Variants in ITGA9 observed in about 807,000 individuals in gnomAD.
ITGA9 encodes integrin subunit alpha 9, also known as integrin alpha-9.
ITGA9 carries 56 observed loss-of-function variants against 127.8 expected under a neutral mutation model. That is an observed-to-expected ratio of 0.44 (90% CI 0.35 to 0.55). ITGA9 has a LOEUF of 0.55. Ranked by LOEUF, ITGA9 falls within the 20% of genes least tolerant of loss-of-function variation. The pLI, the probability that ITGA9 is intolerant of heterozygous loss-of-function variation, is 0.00. For synonymous variants in ITGA9, 508 were observed against 514.5 expected, an observed-to-expected ratio of 0.99 and a Z score of 0.17; for missense variants, 1,196 against 1,347.1, an observed-to-expected ratio of 0.89 and a Z score of 1.76.
At chr3:37,652,184 C>T (rs1225987674) in intron 16 of ITGA9, among the ~76,000 whole-genome samples, 3 of 151,874 alleles carry the variant, frequency 2.0e-5, no homozygotes, top group African/African-American at 7.3e-5. Flanking sequence ...CCCTAGGGGC[C>T]ATGTCAGCTG....
At chr3:37,499,667 T>A (rs1204289468) in intron 5 of ITGA9, among the ~76,000 whole-genome samples, 2 of 152,160 alleles carry the variant, frequency 1.3e-5, no homozygotes, top group African/African-American at 4.8e-5. Context: ...GAAGGCACTG[T>A]CCCTCCCTTC....
chr3:37,554,385 G>A (rs1052483968), intron 15 of ITGA9, among the ~76,000 whole-genome samples: 3 of 152,038 alleles, frequency 2.0e-5, no homozygotes, highest in African/African-American at 7.2e-5. Context: ...TGTGGGCAAA[G>A]AGGTCAGAGT....
At chr3:37,460,876 A>G (rs2125547595) in intron 1 of ITGA9, among the ~76,000 whole-genome samples, 1 of 152,300 alleles carries the variant, frequency 6.6e-6, no homozygotes, top group South Asian at 2.1e-4. Context: ...GGCGTGAGCC[A>G]CCGCACCCGG....
At chr3:37,818,825 C>A in intron 27 of ITGA9, 66 bp from the exon 28 acceptor site, 1 of 1,241,302 alleles carries the variant, frequency 8.1e-7, no homozygotes. Flanking sequence ...GACAGACTGC[C>A]TTGGGGTCAC....
intron 26 of ITGA9, among the ~76,000 whole-genome samples, chr3:37,785,660 G>T (rs1020652142): frequency 3.3e-5 from 5 of 151,910 alleles, no homozygotes; most frequent in Admixed American, 2.6e-4. Context: ...AAATTTTTTT[G>T]TCGGGATAGG....
intron 25 of ITGA9, among the ~76,000 whole-genome samples, chr3:37,783,474 A>G (rs1246346737): frequency 2.0e-5 from 3 of 152,064 alleles, no homozygotes; most frequent in East Asian, 3.9e-4. Context: ...GTCCTCAGCT[A>G]GGACTGCAGG....
At chr3:37,549,016 C>T (rs999689778) in intron 15 of ITGA9, among the ~76,000 whole-genome samples, 5 of 152,178 alleles carry the variant, frequency 3.3e-5, no homozygotes, top group African/African-American at 7.2e-5. Context: ...GCTGCTCATG[C>T]GATATGCTCT....
rs939769650 is a variant in ITGA9, at chr3:37,748,978, A to T, written c.2434-1484A>T. ...AAAAAGAAAAATCCTTAACCCATTG[A>T]CATAGCTTCTTGTATTAATTTCTTA... On this transcript the variant is annotated intron_variant, in intron 22 of 27. Coordinates refer to ENST00000264741, the MANE Select transcript of ITGA9 (RefSeq NM_002207.3). 17 of 517,298 alleles carry T rather than the reference A, an allele frequency of 3.3e-5. No homozygotes were observed. In the East Asian group the frequency reaches 5.5e-4, roughly 17 times the overall value. The allele number at this position is 517,298 out of a possible 1,614,324, so 32.0% of individuals were successfully genotyped here.
chr3:37,553,761 G>A lies in ITGA9; in HGVS notation c.1689+11176G>A, dbSNP rs530935110. Among the ~76,000 whole-genome samples the A allele has an allele frequency of 4.6e-5, 7 of 152,282 alleles. No homozygotes were observed. The East Asian group carries it at 7.7e-4, about 17-fold the overall frequency. ...GGTGATCATTTGGGTCATTAGTAGC[G>A]CTTTGAGTACCATGGTGTCTGCAGG... On this transcript the variant is annotated intron_variant, in intron 15 of 27. Coordinates refer to ENST00000264741, the MANE Select transcript of ITGA9 (RefSeq NM_002207.3).
At chr3:37,490,826 A>G (rs1698662450) in intron 4 of ITGA9, among the ~76,000 whole-genome samples, 1 of 152,164 alleles carries the variant, frequency 6.6e-6, no homozygotes, top group African/African-American at 2.4e-5. Flanking sequence ...CATACGACTT[A>G]ATGAATTAAA....
chr3:37,695,510 C>T (rs888941390), intron 18 of ITGA9, among the ~76,000 whole-genome samples: 3 of 152,210 alleles, frequency 2.0e-5, no homozygotes, highest in Non-Finnish European at 4.4e-5. Context: ...GGGGAATTGA[C>T]ATATACAGAT....
intron 1 of ITGA9, among the ~76,000 whole-genome samples, chr3:37,453,950 T>C (rs542444029): frequency 3.9e-4 from 60 of 152,346 alleles, no homozygotes; most frequent in African/African-American, 1.4e-3. Flanking sequence ...CGAGTGTGTC[T>C]GTTCTTAACA....
rs1699881557 is a variant in ITGA9, at chr3:37,597,628, G to A, written c.1690-31559G>A. Among the ~76,000 whole-genome samples the A allele has an allele frequency of 6.6e-6, 1 of 152,216 alleles. No individual in the cohort carries two copies. Among genetic ancestry groups the A allele is most frequent in the Non-Finnish European group, 1.5e-5 (1 of 68,040 alleles). ...CTCAGTAAATGACTGGTGAATGAATGTGTTTTAAATAAGGTATATAGTGAG... is the reference window on the plus strand; with the variant it reads ...CTCAGTAAATGACTGGTGAATGAATATGTTTTAAATAAGGTATATAGTGAG... On this transcript the variant is annotated intron_variant, in intron 15 of 27. Coordinates refer to ENST00000264741, the MANE Select transcript of ITGA9 (RefSeq NM_002207.3). The surrounding 1 kb of genome is among the most constrained non-coding windows in gnomAD (Gnocchi z 4.6).
intron 23 of ITGA9, among the ~76,000 whole-genome samples, chr3:37,771,476 G>A (rs192463111): frequency 6.6e-6 from 1 of 150,662 alleles, no homozygotes; most frequent in Admixed American, 6.6e-5. Context: ...GTGTAGATGA[G>A]GAAACTGAGG....
chr3:37,627,522 T>C (rs929708102), intron 15 of ITGA9, among the ~76,000 whole-genome samples: 5 of 152,204 alleles, frequency 3.3e-5, no homozygotes, highest in Admixed American at 6.5e-5. Context: ...CTACCACCGC[T>C]TACTTGGAGG....
Position 37,683,899 on chromosome 3 carries a change from G to T in ITGA9, c.1951G>T (p.Ala651Ser). Residue 651 changes from alanine to serine, a missense_variant, in exon 18 of 28, where the codon GCT (alanine) becomes TCT (serine). Physicochemically the swap from Ala to Ser is moderately conservative, Grantham distance 99. Coordinates refer to ENST00000264741, the MANE Select transcript of ITGA9 (RefSeq NM_002207.3). ...DEKTLYLALGAVKNISLNISI... is the reference protein window; with the variant it reads ...DEKTLYLALGSVKNISLNISI... The stretch of plus-strand genomic sequence containing the variant: ...GAAAACCCTGTATCTAGCTTTGGGG[G>T]CTGTGAAGAACATCTCCCTAAACAT... The T allele has an allele frequency of 6.2e-7, 1 of 1,614,064 alleles. No individual in the cohort carries two copies. The highest frequency in any genetic ancestry group is 8.5e-7 in the Non-Finnish European group (1 of 1,179,982).
At chr3:37,787,582 G>A (rs544738247) in intron 26 of ITGA9, among the ~76,000 whole-genome samples, 27 of 152,106 alleles carry the variant, frequency 1.8e-4, no homozygotes, top group Admixed American at 1.7e-3. Context: ...TTCAGTCCAT[G>A]AGCTACAATG....
chr3:37,795,568 C>T (rs1697161768), intron 26 of ITGA9, among the ~76,000 whole-genome samples: 1 of 152,116 alleles, frequency 6.6e-6, no homozygotes, highest in African/African-American at 2.4e-5. Flanking sequence ...TCCTCAAAGG[C>T]CCCCTTGAGA....
intron 17 of ITGA9, among the ~76,000 whole-genome samples, chr3:37,665,717 A>C (rs1454187496): frequency 1.3e-5 from 2 of 152,116 alleles, no homozygotes; most frequent in Non-Finnish European, 2.9e-5. Flanking sequence ...GGCCTCCCAA[A>C]GTGCTGGGAT....
Sources: allele counts gnomAD v4.1 joint callset (sites outside exome capture counted in the v4.1 genomes callset), GRCh38; gene constraint gnomAD v4.1.1; non-coding constraint Gnocchi (gnomAD v3.1); transcripts MANE v1.5; gene names NCBI Gene and HGNC (gene_info 2026-07-23, HGNC 2026-07-21).